Variants in UBE3C observed in about 807,000 individuals in gnomAD.
UBE3C encodes the protein ubiquitin-protein ligase E3C.
A neutral mutation model predicts 129.4 loss-of-function variants in UBE3C; 42 were observed. The ratio of observed to expected loss-of-function variants is 0.32; its 90% CI spans 0.25 to 0.42. UBE3C has a LOEUF of 0.42. UBE3C is among the 10% of genes least tolerant of loss of function. The probability of loss-of-function intolerance (pLI) is 1.00; values close to 1 mark genes in which losing one functional copy is unlikely to be tolerated. For missense variants in UBE3C, 1,049 were observed against 1,319.1 expected, an observed-to-expected ratio of 0.80 and a Z score of 3.17; for synonymous variants, 510 against 492.4, an observed-to-expected ratio of 1.04 and a Z score of -0.47.
chr7:157,207,273 G>C (rs573472000), intron 11 of UBE3C, 125 bp from the exon 12 acceptor site: 1 of 1,356,346 alleles, frequency 7.4e-7, no homozygotes, highest in Non-Finnish European at 1.0e-6. Context: ...CCTTTAAATA[G>C]TTTAATTCCT....
At chr7:157,203,095 C>A (rs117166444) in intron 11 of UBE3C, among the ~76,000 whole-genome samples, 2,884 of 152,194 alleles carry the variant, frequency 0.019, 44 homozygotes, top group Non-Finnish European at 0.029. Context: ...CACAGTCAGC[C>A]CCTTTATGAT....
At chr7:157,219,126 T>C (rs1427171443) in intron 14 of UBE3C, among the ~76,000 whole-genome samples, 3 of 152,258 alleles carry the variant, frequency 2.0e-5, no homozygotes, top group Middle Eastern at 3.4e-3. Context: ...GCGGTGCCAC[T>C]CCAGGTGCAG....
intron 18 of UBE3C, among the ~76,000 whole-genome samples, chr7:157,245,428 G>A (rs546800821): frequency 3.3e-5 from 5 of 152,236 alleles, no homozygotes; most frequent in Admixed American, 6.5e-5. Flanking sequence ...CTTTGAACTC[G>A]TCATTCATTT....
chr7:157,261,844 ATAAAT>A (rs1270452518), intron 22 of UBE3C, among the ~76,000 whole-genome samples: 3 of 152,226 alleles, frequency 2.0e-5, no homozygotes, highest in African/African-American at 7.2e-5. Context: ...AGGCCACATA[ATAAAT>A]TAATGATTTT....
chr7:157,152,438 C>G (rs571801746), intron 1 of UBE3C, among the ~76,000 whole-genome samples: 1 of 152,318 alleles, frequency 6.6e-6, no homozygotes, highest in South Asian at 2.1e-4. Flanking sequence ...AGCACCCACA[C>G]TTGTGCCTGA....
At position 157,254,089 on chromosome 7, in the gene UBE3C, G is replaced by A; in HGVS notation, c.2830G>A (p.Ala944Thr). The change falls in exon 20 of 23, where the codon GCC becomes ACC. Residue 944 changes from alanine (A) to threonine (T), a missense_variant. Physicochemically the swap from Ala to Thr is moderately conservative, Grantham distance 58. Coordinates refer to ENST00000348165, the MANE Select transcript of UBE3C (RefSeq NM_014671.3). ...QHCLAFRQGL[A>T]NVVSLEWLRM... Reference sequence around the variant, plus strand: ...CTGCCTGGCTTTCCGCCAGGGCCTTGCCAATGTCGTCAGCCTCGAGTGGCT... The same window carrying A: ...CTGCCTGGCTTTCCGCCAGGGCCTTACCAATGTCGTCAGCCTCGAGTGGCT... 6.2e-7 allele frequency: 1 copy of A among 1,613,200 alleles called. No homozygotes were observed. Among genetic ancestry groups the A allele is most frequent in the Non-Finnish European group, 8.5e-7 (1 of 1,179,682 alleles).
At chr7:157,190,002 T>C (rs764208590) in intron 10 of UBE3C, among the ~76,000 whole-genome samples, 21 of 152,180 alleles carry the variant, frequency 1.4e-4, no homozygotes, top group Non-Finnish European at 8.8e-5. Flanking sequence ...GGTTTCACCA[T>C]GTAGGCCAGG....
rs1808297285 is a variant in UBE3C at position 157,169,115 on chromosome 7, A to G, written c.188A>G (p.Lys63Arg). Reference sequence around the variant, plus strand: ...TTTATTCGAGGCTATAGAGACAGAAAACAGCAAGTAAGTTTGTTTTAAAAT... The same window carrying G: ...TTTATTCGAGGCTATAGAGACAGAAGACAGCAAGTAAGTTTGTTTTAAAAT... ...QSFIRGYRDRKQQYSIQRSAF... is the reference protein window; with the variant it reads ...QSFIRGYRDRRQQYSIQRSAF... The change falls in exon 3 of 23, where the codon AAA becomes AGA. Residue 63 changes from lysine to arginine, a missense_variant. Lys to Arg is a conservative substitution (Grantham distance 26). Coordinates refer to ENST00000348165, the MANE Select transcript of UBE3C (RefSeq NM_014671.3). 3 of 1,613,232 alleles carry G rather than the reference A, an allele frequency of 1.9e-6. No individual in the cohort carries two copies.
At chr7:157,212,558 A>G (rs1322361159) in intron 13 of UBE3C, among the ~76,000 whole-genome samples, 1 of 152,250 alleles carries the variant, frequency 6.6e-6, no homozygotes, top group African/African-American at 2.4e-5. Flanking sequence ...TTGTGAAAAC[A>G]GTGCCTGTTA....
At chr7:157,144,210 C>T (rs1160091928) in intron 1 of UBE3C, among the ~76,000 whole-genome samples, 6 of 152,158 alleles carry the variant, frequency 3.9e-5, no homozygotes, top group African/African-American at 1.4e-4. Context: ...GCGGGAGGAT[C>T]GCTGGATCCC....
chr7:157,248,818 G>A (rs559287996), intron 19 of UBE3C, among the ~76,000 whole-genome samples: 2 of 152,282 alleles, frequency 1.3e-5, no homozygotes, highest in African/African-American at 4.8e-5. Context: ...CCCCTCCTGC[G>A]GAGCTCCACT....
intron 17 of UBE3C, among the ~76,000 whole-genome samples, chr7:157,229,591 AC>A (rs1340667117): frequency 6.6e-6 from 1 of 152,130 alleles, no homozygotes; most frequent in Non-Finnish European, 1.5e-5. Flanking sequence ...TGCTGGGATT[AC>A]AGGCATGTGC....
chr7:157,267,058 T>C (rs570864812), intron 22 of UBE3C, among the ~76,000 whole-genome samples: 1 of 152,276 alleles, frequency 6.6e-6, no homozygotes, highest in East Asian at 1.9e-4. Flanking sequence ...TATTTATCCC[T>C]TTTTATGCCT....
In UBE3C at chr7:157,186,956, C is replaced by T; in HGVS notation, c.1266C>T (p.Phe422=). ...GGGACTCTGCGAGCGAGGAGGTCTTCACCACCATGGCCTCCGTCTGCCACA... is the reference window on the plus strand; with the variant it reads ...GGGACTCTGCGAGCGAGGAGGTCTTTACCACCATGGCCTCCGTCTGCCACA... ...VWRDSASEEV[F]TTMASVCHTL... is the part of the protein sequence containing the mutation. Residue 422 remains phenylalanine (F), a synonymous_variant, in exon 10 of 23, where the codon TTC becomes TTT. Transcript: ENST00000348165. 1 of 1,613,592 alleles carries T rather than the reference C, an allele frequency of 6.2e-7. No individual in the cohort carries two copies. Among genetic ancestry groups the T allele is most frequent in the Non-Finnish European group, 8.5e-7 (1 of 1,179,784 alleles).
chr7:157,170,777 G>A (rs1290353653), intron 4 of UBE3C, among the ~76,000 whole-genome samples: 1 of 152,148 alleles, frequency 6.6e-6, no homozygotes, highest in Non-Finnish European at 1.5e-5. Context: ...CTAGGTCAGT[G>A]GGACGTGCAC....
At chr7:157,232,642 G>A (rs1796051171) in intron 18 of UBE3C, among the ~76,000 whole-genome samples, 1 of 152,206 alleles carries the variant, frequency 6.6e-6, no homozygotes, top group Non-Finnish European at 1.5e-5. Context: ...GTGAGCCACT[G>A]CACCTGGCCT....
intron 22 of UBE3C, among the ~76,000 whole-genome samples, chr7:157,260,371 C>T (rs186943821): frequency 2.0e-5 from 3 of 152,296 alleles, no homozygotes; most frequent in East Asian, 3.9e-4. Flanking sequence ...TTTAGTGGCA[C>T]GTCCAGGTTC....
Position 157,139,467 on chromosome 7 carries a change from G to A in UBE3C, c.66+129G>A, listed in dbSNP as rs574151067. 10 of 869,286 alleles carry A rather than the reference G, an allele frequency of 1.2e-5. No homozygotes were observed. In the East Asian group the frequency reaches 2.8e-4, roughly 24 times the overall value. 53.8% of individuals were successfully genotyped at this position (869,286 alleles called of 1,614,324 possible). A position where few individuals can be genotyped will look rare whatever the true frequency, so the allele number is the denominator to read the frequency against. ...TTGGGGCTGGATTCGGGGCCTCCCT[G>A]GCGGGGACTCGGGGCTTCCTCGCCG... On this transcript the variant is annotated intron_variant, in intron 1 of 22. Transcript: ENST00000348165.
At chr7:157,230,891 C>T (rs756800086) in intron 17 of UBE3C, among the ~76,000 whole-genome samples, 189 bp from the exon 18 acceptor site, 2 of 152,130 alleles carry the variant, frequency 1.3e-5, no homozygotes, top group African/African-American at 2.4e-5. Flanking sequence ...TGCCACTGCA[C>T]TCCAGCCTGG....
Sources: gnomAD v4.1 joint callset for allele counts (sites outside exome capture counted in the v4.1 genomes callset) on GRCh38, gnomAD v4.1.1 for gene constraint, MANE v1.5 for transcripts, NCBI Gene and HGNC (gene_info 2026-07-23, HGNC 2026-07-21) for gene names.